The following CPNE9 variants were observed in gnomAD, a reference collection of about 807,000 sequenced individuals.
The protein encoded by CPNE9 is copine family member 9.
In CPNE9, 59 loss-of-function variants were observed where a neutral mutation model predicts 83.0. The ratio of observed to expected loss-of-function variants is 0.71; its 90% CI spans 0.58 to 0.88. The LOEUF (loss-of-function observed/expected upper bound fraction) is 0.88, where lower values mean the gene tolerates loss of function less well. CPNE9 is among the 40% of genes least tolerant of loss of function. The pLI, the probability that CPNE9 is intolerant of heterozygous loss-of-function variation, is 0.00. For missense variants in CPNE9, 619 were observed against 720.8 expected, an observed-to-expected ratio of 0.86 and a Z score of 1.62; for synonymous variants, 256 against 273.4, an observed-to-expected ratio of 0.94 and a Z score of 0.63.
intron 7 of CPNE9, among the ~76,000 whole-genome samples, chr3:9,709,103 A>G (rs903545445): frequency 2.0e-5 from 3 of 150,464 alleles, no homozygotes; most frequent in Non-Finnish European, 4.4e-5. Flanking sequence ...GTGAAATCCC[A>G]TCTCTACTAA....
At chr3:9,707,528 T>C (rs992311510) in intron 7 of CPNE9, among the ~76,000 whole-genome samples, 4 of 151,422 alleles carry the variant, frequency 2.6e-5, no homozygotes, top group Non-Finnish European at 5.9e-5. Context: ...AGATTGAATA[T>C]GAATGTGAGA....
rs750687755 is a variant in CPNE9, at chr3:9,718,834, C to CT, written c.1241+253dup. On this transcript the variant is annotated intron_variant, in intron 17 of 20. Coordinates refer to ENST00000383832, the MANE Select transcript of CPNE9 (RefSeq NM_153635.3). Reference sequence around the variant, plus strand: ...TAGGCAATTTAGTGAGACCCCATCTCTTTTTTTTTTTTTTTTTTTTTGAGA... The same window carrying CT: ...TAGGCAATTTAGTGAGACCCCATCTCTTTTTTTTTTTTTTTTTTTTTTGAGA... Among the ~76,000 whole-genome samples, 553 of 117,560 alleles carry CT rather than the reference C, an allele frequency of 4.7e-3. 6 individuals carry two copies. The highest frequency in any genetic ancestry group is 8.7e-3 in the East Asian group (36 of 4,156). The allele number at this position is 117,560 out of a possible 152,430, so 77.1% of individuals were successfully genotyped here.
intron 7 of CPNE9, among the ~76,000 whole-genome samples, chr3:9,711,464 G>A (rs1174282857): frequency 3.3e-5 from 5 of 151,946 alleles, no homozygotes; most frequent in Admixed American, 6.6e-5. Flanking sequence ...TGATCCGCCC[G>A]CCTAGGCCTC....
chr3:9,709,285 A>G (rs922211133), intron 7 of CPNE9, among the ~76,000 whole-genome samples: 7 of 150,730 alleles, frequency 4.6e-5, no homozygotes. Flanking sequence ...CAAAAAAAAA[A>G]AAACAAAGAA....
intron 17 of CPNE9, among the ~76,000 whole-genome samples, chr3:9,721,724 T>G (rs2076735647): frequency 6.6e-6 from 1 of 152,062 alleles, no homozygotes; most frequent in Non-Finnish European, 1.5e-5. Flanking sequence ...TTAATATGAC[T>G]AGAGTGCGCA....
Position 9,710,469 on chromosome 3 carries a change from G to C in CPNE9, c.378-2072G>C, listed in dbSNP as rs184302095. On this transcript the variant is annotated intron_variant, in intron 7 of 20. Coordinates refer to ENST00000383832, the MANE Select transcript of CPNE9 (RefSeq NM_153635.3). ...AGGTCATTGGCTGAGAATGAGGATGGGGGAGGAGGCTTTAGGGGTTGAGGA... is the reference window on the plus strand; with the variant it reads ...AGGTCATTGGCTGAGAATGAGGATGCGGGAGGAGGCTTTAGGGGTTGAGGA... Among the ~76,000 whole-genome samples the C allele has an allele frequency of 3.3e-5, 5 of 152,302 alleles. No homozygotes were observed. In the East Asian group the frequency reaches 7.7e-4, roughly 23 times the overall value.
chr3:9,727,878 G>A (rs529931326), intron 20 of CPNE9, among the ~76,000 whole-genome samples: 90 of 152,178 alleles, frequency 5.9e-4, no homozygotes, highest in Non-Finnish European at 9.8e-4. Context: ...GAGGGGAGGC[G>A]ATAAAGATCT....
chr3:9,706,182 C>A, intron 7 of CPNE9, 119 bp downstream of exon 7: 2 of 848,606 alleles, frequency 2.4e-6, no homozygotes, highest in Non-Finnish European at 3.7e-6. Context: ...GAGCCTGCCC[C>A]GGCTCCCATC....
chr3:9,726,867 C>T (rs2076789359), intron 19 of CPNE9, 145 bp downstream of exon 19: 1 of 808,996 alleles, frequency 1.2e-6, no homozygotes, highest in Admixed American at 2.3e-5. Context: ...CTTCTCTGAA[C>T]CTGTTTCCTT....
intron 17 of CPNE9, among the ~76,000 whole-genome samples, chr3:9,724,779 G>A (rs1488966829): frequency 1.3e-5 from 2 of 150,816 alleles, no homozygotes; most frequent in Non-Finnish European, 1.5e-5. Context: ...TATCTGAGAC[G>A]GAGTCTCGCT....
rs777716714 is a variant in CPNE9, at chr3:9,706,024, T to G, written c.338T>G (p.Val113Gly). 114 of 1,612,714 alleles carry G rather than the reference T, an allele frequency of 7.1e-5. No homozygotes were observed. The highest frequency in any genetic ancestry group is 9.6e-5 in the Non-Finnish European group (113 of 1,179,816). ...LGQAFLALGE[V>G]IGGQGSRVER... The stretch of plus-strand genomic sequence containing the variant: ...CAAGCGTTCCTGGCCCTGGGAGAGG[T>G]GATTGGAGGCCAGGGCAGCCGAGTA... Residue 113 changes from valine (V) to glycine (G), a missense_variant, in exon 7 of 21, where the codon GTG (valine) becomes GGG (glycine). Coordinates refer to ENST00000383832, the MANE Select transcript of CPNE9 (RefSeq NM_153635.3).
Position 9,713,026 on chromosome 3 carries a change from G to A in CPNE9, c.597G>A (p.Val199=), listed in dbSNP as rs2076644989. The A allele has an allele frequency of 1.2e-6, 2 of 1,614,214 alleles. No homozygotes were observed. The highest frequency in any genetic ancestry group is 1.7e-6 in the Non-Finnish European group (2 of 1,180,042). ...TTGTGAAAAACACGCTGAATCCTGT[G>A]TGGCAGCCCTTCAGCATCCCTGTGC... ...TEVVKNTLNP[V]WQPFSIPVRA... is the part of the protein sequence containing the mutation. The change falls in exon 10 of 21, where the codon GTG becomes GTA. Residue 199 remains valine (V), a synonymous_variant. Coordinates refer to ENST00000383832, the MANE Select transcript of CPNE9 (RefSeq NM_153635.3).
At chr3:9,705,076 C>G (rs1259564209) in intron 4 of CPNE9, 82 bp downstream of exon 4, 3 of 1,018,170 alleles carry the variant, frequency 2.9e-6, no homozygotes, top group Admixed American at 4.0e-5. Flanking sequence ...ACCCCCGCCT[C>G]GCCTCCGGCC....
Position 9,704,176 on chromosome 3 carries a change from T to A in CPNE9, c.68+112T>A. ...ACCCCCGGGGAGAGGCGAAATTGGC[T>A]GGAAAATCACAGCTGATGACAGGGC... is the stretch of plus-strand genomic sequence containing the variant. On this transcript the variant is annotated intron_variant, in intron 1 of 20. Transcript: ENST00000383832. The surrounding 1 kb of genome is among the most constrained non-coding windows in gnomAD (Gnocchi z 7.1). 1 of 1,024,022 alleles carries A rather than the reference T, an allele frequency of 9.8e-7. No homozygotes were observed. 63.4% of individuals were successfully genotyped at this position (1,024,022 alleles called of 1,614,324 possible). A position where few individuals can be genotyped will look rare whatever the true frequency, so the allele number is the denominator to read the frequency against.
In CPNE9 at chr3:9,716,011, CT is replaced by C. The variant is rs763917021; in HGVS notation, c.864del (p.Phe288LeufsTer11). 2 of 1,611,224 alleles carry C rather than the reference CT, an allele frequency of 1.2e-6. No homozygotes were observed. The highest frequency in any genetic ancestry group is 2.2e-5 in the South Asian group (2 of 90,180). ...TCCTTCTCTGTGGACTCTGAATTCACTTTTGTTGATTACATCAAGGGAGGGT... is the reference window on the plus strand; with the variant it reads ...TCCTTCTCTGTGGACTCTGAATTCACTTTGTTGATTACATCAAGGGAGGGT... ...LLSFSVDSEF[T>X]FVDYIKGGTQ... On this transcript the variant is annotated frameshift_variant, in exon 14 of 21. Coordinates refer to ENST00000383832, the MANE Select transcript of CPNE9 (RefSeq NM_153635.3). LOFTEE classifies it high-confidence loss of function.
intron 15 of CPNE9, among the ~76,000 whole-genome samples, chr3:9,717,810 G>A (rs1316686665): frequency 6.6e-6 from 1 of 152,128 alleles, no homozygotes; most frequent in East Asian, 1.9e-4. Context: ...ATGGGTGGAT[G>A]GATGTGTGGG....
chr3:9,717,176 G>A (rs2076691793), intron 15 of CPNE9, 72 bp downstream of exon 15: 3 of 1,509,446 alleles, frequency 2.0e-6, no homozygotes, highest in Non-Finnish European at 2.8e-6. Flanking sequence ...AGTTGGCCTG[G>A]ATTCCTACCT....
chr3:9,718,450 C>G (rs772339572), intron 16 of CPNE9, 25 bp from the exon 17 acceptor site: 4 of 1,606,128 alleles, frequency 2.5e-6, no homozygotes, highest in Admixed American at 1.7e-5. Context: ...ATGGGCTCAG[C>G]CTGGCAGGGC....
At chr3:9,715,836 G>C in intron 13 of CPNE9, 138 bp from the exon 14 acceptor site, 1 of 715,796 alleles carries the variant, frequency 1.4e-6, no homozygotes, top group East Asian at 2.7e-5. Context: ...GTTGAACAGG[G>C]TGGGACTGAC....
Sources: allele counts gnomAD v4.1 joint callset (sites outside exome capture counted in the v4.1 genomes callset), GRCh38; gene constraint gnomAD v4.1.1; non-coding constraint Gnocchi (gnomAD v3.1); transcripts MANE v1.5; gene names NCBI Gene and HGNC (gene_info 2026-07-23, HGNC 2026-07-21).